Variants in SPIC observed in about 807,000 individuals in gnomAD.
The protein encoded by SPIC is Spi-C transcription factor, also known as transcription factor Spi-C.
A neutral mutation model predicts 16.7 loss-of-function variants in SPIC; 9 were observed. The observed-to-expected ratio is 0.54, with a 90% CI of 0.33 to 0.94. The LOEUF (loss-of-function observed/expected upper bound fraction) is 0.94. Ranked by LOEUF, SPIC falls within the 40% of genes least tolerant of loss-of-function variation. The pLI is 0.03. For synonymous variants in SPIC, 97 were observed against 102.9 expected (o/e 0.94, Z 0.35); for missense variants, 241 against 285.8 (o/e 0.84, Z 1.13).
chr12:101,476,277 G>T (rs1397769278), intron 1 of SPIC, among the ~76,000 whole-genome samples: 1 of 152,092 alleles, frequency 6.6e-6, no homozygotes, highest in Non-Finnish European at 1.5e-5. Context: ...TTAGAGATAA[G>T]AAAGTAAATA....
chr12:101,480,991 G>A (rs1333643605), intron 4 of SPIC, among the ~76,000 whole-genome samples: 4 of 152,118 alleles, frequency 2.6e-5, no homozygotes, highest in African/African-American at 9.7e-5. Flanking sequence ...TCTAGCATGT[G>A]CCTCACAGCC....
chr12:101,476,423 G>A (rs974532703), intron 1 of SPIC, among the ~76,000 whole-genome samples: 3 of 152,016 alleles, frequency 2.0e-5, no homozygotes, highest in African/African-American at 7.2e-5. Context: ...ATTCTCAGAA[G>A]GCAATATAAC....
chr12:101,479,396 A>G (rs1341937821), intron 3 of SPIC, among the ~76,000 whole-genome samples, 186 bp from the exon 4 acceptor site: 1 of 152,174 alleles, frequency 6.6e-6, no homozygotes, highest in African/African-American at 2.4e-5. Context: ...TGTTCTCCAA[A>G]TGGGATATGT....
In SPIC at chr12:101,479,226, A is replaced by AGG. The variant is rs1158767688; in HGVS notation, c.98-356_98-355insGG. Among the ~76,000 whole-genome samples, 187 of 117,852 alleles carry AGG rather than the reference A, an allele frequency of 1.6e-3. 4 individuals are homozygous for AGG. The highest frequency in any genetic ancestry group is 2.2e-3 in the Non-Finnish European group (125 of 56,064). The allele number at this position is 117,852 out of a possible 152,430, so 77.3% of individuals were successfully genotyped here. The stretch of plus-strand genomic sequence containing the variant: ...AAAGAAAGAAAGAAAGAAAGAAGGA[A>AGG]AGAAAGAAAGAAAGAAAAAGAAAGA... On this transcript the variant is annotated intron_variant, in intron 3 of 5. Transcript: ENST00000551346.
In SPIC at chr12:101,486,533, C is replaced by CCT; in HGVS notation, c.510_511insTC (p.Arg171SerfsTer20). 1.2e-6 allele frequency: 2 copies of CCT among 1,614,108 alleles called. No individual in the cohort carries two copies. Among genetic ancestry groups the CCT allele is most frequent in the South Asian group, 2.2e-5 (2 of 91,064 alleles). ...AAGACCATGACTTACCAGAAAATGG[C>CCT]CAGGGCACTCAGAAATTACGGAAGA... On this transcript the variant is annotated frameshift_variant, in exon 6 of 6. Coordinates refer to ENST00000551346, the MANE Select transcript of SPIC (RefSeq NM_152323.3). LOFTEE classifies it low-confidence loss of function (END_TRUNC).
intron 5 of SPIC, among the ~76,000 whole-genome samples, chr12:101,484,878 TAAATA>T (rs1020588174): frequency 2.6e-5 from 4 of 151,528 alleles, no homozygotes; most frequent in Non-Finnish European, 5.9e-5. Context: ...CAAAAATTAA[TAAATA>T]AAATAAAATA....
At position 101,479,223 on chromosome 12, in the gene SPIC, GGAAA is replaced by G. The variant is rs1488526544; in HGVS notation, c.98-342_98-339del. 5.3e-3 allele frequency among the ~76,000 whole-genome samples: 224 copies of G among 42,456 alleles called. 3 individuals are homozygous for G. Among genetic ancestry groups the G allele is most frequent in the East Asian group, 9.8e-3 (16 of 1,626 alleles). 27.9% of individuals were successfully genotyped at this position (42,456 alleles called of 152,430 possible). ...AAGAAAGAAAGAAAGAAAGAAAGAA[GGAAA>G]GAAAGAAAGAAAGAAAAAGAAAGAA... is the stretch of plus-strand genomic sequence containing the variant. On this transcript the variant is annotated intron_variant, in intron 3 of 5. Transcript: ENST00000551346.
rs1873372999 is a variant in SPIC at position 101,486,580 on chromosome 12, C to T, written c.556C>T (p.Arg186Trp). ...AAGAAGTGGGGAAATTACCAAAATCCGGAGGAAGCTGACTTACCAGTTCAG... is the reference window on the plus strand; with the variant it reads ...AAGAAGTGGGGAAATTACCAAAATCTGGAGGAAGCTGACTTACCAGTTCAG... The part of the protein sequence containing the change: ...YGRSGEITKI[R>W]RKLTYQFSEA... Residue 186 changes from arginine (R) to tryptophan (W), a missense_variant, in exon 6 of 6, where the codon CGG becomes TGG. Coordinates refer to ENST00000551346, the MANE Select transcript of SPIC (RefSeq NM_152323.3). 2 of 1,613,984 alleles carry T rather than the reference C, an allele frequency of 1.2e-6. No homozygotes were observed. The highest frequency in any genetic ancestry group is 1.3e-5 in the African/African-American group (1 of 74,912).
At chr12:101,477,811 A>G (rs976151978) in intron 3 of SPIC, among the ~76,000 whole-genome samples, 160 bp downstream of exon 3, 1 of 152,058 alleles carries the variant, frequency 6.6e-6, no homozygotes, top group South Asian at 2.1e-4. Flanking sequence ...AAGACCAGGA[A>G]TTCAAGACCT....
rs1240131190 is a variant in SPIC at position 101,477,617 on chromosome 12, G to A, written c.63G>A (p.Arg21=). The change falls in exon 3 of 6, where the codon AGG becomes AGA. Residue 21 remains arginine, a synonymous_variant. Coordinates refer to ENST00000551346, the MANE Select transcript of SPIC (RefSeq NM_152323.3). ...QAFEDAFEVL[R]QHSTGDLQYS... ...TTGAAGATGCTTTTGAGGTTCTGAGGCAACATTCAACTGGAGATCTTCAGT... is the reference window on the plus strand; with the variant it reads ...TTGAAGATGCTTTTGAGGTTCTGAGACAACATTCAACTGGAGATCTTCAGT... 9.9e-6 allele frequency: 16 copies of A among 1,613,340 alleles called. No individual in the cohort carries two copies. In the South Asian group the frequency reaches 1.8e-4, roughly 18 times the overall value.
rs1872976630 is a variant in SPIC, at chr12:101,476,973, A to G, written c.3+66A>G. 8 of 1,092,002 alleles carry G rather than the reference A, an allele frequency of 7.3e-6. No homozygotes were observed. In the South Asian group the frequency reaches 2.1e-4, roughly 29 times the overall value. 67.6% of individuals were successfully genotyped at this position (1,092,002 alleles called of 1,614,324 possible). Reference sequence around the variant, plus strand: ...AGGAGCTCTACAGCATAATAATTAAAAAACTTTTTTCTTTACTCTCCCTCC... The same window carrying G: ...AGGAGCTCTACAGCATAATAATTAAGAAACTTTTTTCTTTACTCTCCCTCC... On this transcript the variant is annotated intron_variant, in intron 2 of 5. Transcript: ENST00000551346.
chr12:101,479,463 G>A (rs1873118539), intron 3 of SPIC, 119 bp from the exon 4 acceptor site: 1 of 687,638 alleles, frequency 1.5e-6, no homozygotes, highest in African/African-American at 1.8e-5. Flanking sequence ...GAAGTGCAAA[G>A]TGGCAAGAAA....
At position 101,486,447 on chromosome 12, in the gene SPIC, G is replaced by T; in HGVS notation, c.423G>T (p.Gln141His). Reference sequence around the variant, plus strand: ...TAGATAAAACCAAAGGCATCTTTCAGTTTGTATCAAAAAACAAAGAAAAAC... The same window carrying T: ...TAGATAAAACCAAAGGCATCTTTCATTTTGTATCAAAAAACAAAGAAAAAC... ...QWVDKTKGIF[Q>H]FVSKNKEKLA... The change falls in exon 6 of 6, where the codon CAG (glutamine) becomes CAT (histidine). Residue 141 changes from glutamine (Q) to histidine (H), a missense_variant. Transcript: ENST00000551346. The T allele has an allele frequency of 2.5e-6, 4 of 1,614,142 alleles. No homozygotes were observed. Among genetic ancestry groups the T allele is most frequent in the Non-Finnish European group, 3.4e-6 (4 of 1,180,038 alleles).
At chr12:101,478,679 A>C (rs564458806) in intron 3 of SPIC, among the ~76,000 whole-genome samples, 1 of 152,364 alleles carries the variant, frequency 6.6e-6, no homozygotes, top group African/African-American at 2.4e-5. Flanking sequence ...GTTCCAATGA[A>C]TCTTATAGAC....
chr12:101,482,701 A>G, intron 4 of SPIC, 91 bp from the exon 5 acceptor site: 2 of 1,224,128 alleles, frequency 1.6e-6, no homozygotes, highest in Non-Finnish European at 2.3e-6. Context: ...GGAGACGCTT[A>G]GCCTCTTTTT....
chr12:101,486,072 A>T (rs2121269500), intron 5 of SPIC, among the ~76,000 whole-genome samples: 1 of 152,330 alleles, frequency 6.6e-6, no homozygotes, highest in East Asian at 1.9e-4. Context: ...AAGTGCTGGG[A>T]CTACAGGCGT....
At chr12:101,482,351 T>G (rs991311030) in intron 4 of SPIC, among the ~76,000 whole-genome samples, 1 of 152,098 alleles carries the variant, frequency 6.6e-6, no homozygotes, top group African/African-American at 2.4e-5. Flanking sequence ...ATTACAGGCA[T>G]GAGCCACCGT....
At chr12:101,478,713 A>T (rs1268800896) in intron 3 of SPIC, among the ~76,000 whole-genome samples, 5 of 152,248 alleles carry the variant, frequency 3.3e-5, no homozygotes, top group Admixed American at 2.0e-4. Flanking sequence ...AACAAGATAT[A>T]TTCTACTTGG....
At chr12:101,485,140 T>C (rs1414858097) in intron 5 of SPIC, among the ~76,000 whole-genome samples, 2 of 152,196 alleles carry the variant, frequency 1.3e-5, no homozygotes, top group Non-Finnish European at 2.9e-5. Context: ...TGCAAGAGTA[T>C]TATTCCCCAG....
Sources: gnomAD v4.1 joint callset for allele counts (sites outside exome capture counted in the v4.1 genomes callset) on GRCh38, gnomAD v4.1.1 for gene constraint, MANE v1.5 for transcripts, NCBI Gene and HGNC (gene_info 2026-07-23, HGNC 2026-07-21) for gene names.